The following TMEM132C variants were observed in gnomAD, a reference collection of about 807,000 sequenced individuals.
The protein encoded by TMEM132C is protein phosphatase 1, regulatory subunit 152.
Under a neutral mutation model 61.4 loss-of-function variants are expected in TMEM132C, and 29 were observed. That is an observed-to-expected ratio of 0.47 (90% CI 0.35 to 0.64). The LOEUF (loss-of-function observed/expected upper bound fraction) is 0.64. Among genes scored for constraint, TMEM132C ranks in the 30% least tolerant of loss-of-function variants. The pLI is 0.00. For synonymous variants in TMEM132C, 656 were observed against 633.1 expected (o/e 1.04, Z -0.54); for missense variants, 1,408 against 1,476.9 (o/e 0.95, Z 0.76).
intron 4 of TMEM132C, among the ~76,000 whole-genome samples, chr12:128,651,003 C>G (rs1406870030): frequency 6.6e-6 from 1 of 152,188 alleles, no homozygotes; most frequent in South Asian, 2.1e-4. Context: ...GGGTATAAAT[C>G]TCCACCCCTC....
intron 1 of TMEM132C, among the ~76,000 whole-genome samples, chr12:128,329,545 G>A (rs1311604867): frequency 6.6e-6 from 1 of 152,176 alleles, no homozygotes. Flanking sequence ...TCTACTGGGG[G>A]GCAGAGTCCC....
Position 128,552,909 on chromosome 12 carries a change from AAAAC to A in TMEM132C, c.1121+8818_1121+8821del, listed in dbSNP as rs1396079184. Among the ~76,000 whole-genome samples the A allele has an allele frequency of 2.6e-5, 4 of 151,622 alleles. No individual in the cohort carries two copies. In the South Asian group the frequency reaches 6.2e-4, roughly 24 times the overall value. On this transcript the variant is annotated intron_variant, in intron 3 of 8. Coordinates refer to ENST00000435159, the MANE Select transcript of TMEM132C (RefSeq NM_001136103.3). ...GGCAACAGAGTGAGACTCTGTCTCA[AAAAC>A]AAACAAACAAAAAAAAAGCATAAAA...
intron 1 of TMEM132C, among the ~76,000 whole-genome samples, chr12:128,293,925 C>T (rs1709695): frequency 0.23 from 35,033 of 151,982 alleles, 4,555 homozygotes; most frequent in East Asian, 0.5. Flanking sequence ...ATTATAATTA[C>T]GCATTGTGAA....
At chr12:128,619,844 C>G (rs1953944937) in intron 4 of TMEM132C, among the ~76,000 whole-genome samples, 1 of 152,130 alleles carries the variant, frequency 6.6e-6, no homozygotes, top group Non-Finnish European at 1.5e-5. Context: ...GGTTCATATC[C>G]CAAGTTGAGG....
intron 5 of TMEM132C, among the ~76,000 whole-genome samples, chr12:128,671,097 C>G (rs1044645148): frequency 6.6e-6 from 1 of 152,188 alleles, no homozygotes; most frequent in Non-Finnish European, 1.5e-5. Context: ...TAGTCACTGC[C>G]TATTTTGTAA....
intron 3 of TMEM132C, among the ~76,000 whole-genome samples, chr12:128,561,208 T>C (rs1325341172): frequency 6.6e-6 from 1 of 152,270 alleles, no homozygotes; most frequent in African/African-American, 2.4e-5. Flanking sequence ...TAGGCACTGC[T>C]GGACATATAG....
At chr12:128,301,054 A>G (rs1291506911) in intron 1 of TMEM132C, among the ~76,000 whole-genome samples, 1 of 152,166 alleles carries the variant, frequency 6.6e-6, no homozygotes, top group Non-Finnish European at 1.5e-5. Context: ...CAAACAAAAC[A>G]AATGAACAGA....
intron 1 of TMEM132C, among the ~76,000 whole-genome samples, chr12:128,286,601 G>C (rs1871081568): frequency 6.6e-6 from 1 of 152,222 alleles, no homozygotes. Flanking sequence ...GTTAAATGCT[G>C]TGTGGGACAA....
chr12:128,623,819 T>A (rs1317856718), intron 4 of TMEM132C, among the ~76,000 whole-genome samples: 13 of 150,166 alleles, frequency 8.7e-5, no homozygotes, highest in Non-Finnish European at 4.4e-5. Context: ...AAAAAAAAAA[T>A]GATGATATAA....
chr12:128,611,533 T>C (rs902056), intron 3 of TMEM132C, among the ~76,000 whole-genome samples: 98,524 of 151,910 alleles, frequency 0.65, 32,081 homozygotes, highest in South Asian at 0.73. Context: ...CCCCTTGGAG[T>C]GCCACGGATC....
At chr12:128,579,266 C>T (rs972411597) in intron 3 of TMEM132C, among the ~76,000 whole-genome samples, 11 of 152,216 alleles carry the variant, frequency 7.2e-5, no homozygotes, top group African/African-American at 2.4e-4. Flanking sequence ...CTCACTGCCT[C>T]GTAGCCCAGC....
intron 1 of TMEM132C, among the ~76,000 whole-genome samples, chr12:128,343,334 G>GA (rs1043956207): frequency 6.6e-5 from 10 of 151,010 alleles, no homozygotes; most frequent in Admixed American, 4.0e-4. Context: ...TGAGGCAGGA[G>GA]AATCACCTGA....
chr12:128,486,946 T>TA (rs1474887752), intron 2 of TMEM132C, among the ~76,000 whole-genome samples: 1 of 150,674 alleles, frequency 6.6e-6, no homozygotes, highest in African/African-American at 2.5e-5. Context: ...GTGCTAGTAC[T>TA]AGTGTGAAAT....
intron 1 of TMEM132C, among the ~76,000 whole-genome samples, chr12:128,348,676 A>G (rs1027500598): frequency 2.0e-5 from 3 of 152,246 alleles, no homozygotes; most frequent in Non-Finnish European, 4.4e-5. Flanking sequence ...GGCTTATGCC[A>G]AAACTGGAAG....
intron 2 of TMEM132C, among the ~76,000 whole-genome samples, chr12:128,418,084 G>C (rs1178119716): frequency 2.6e-5 from 4 of 152,100 alleles, no homozygotes; most frequent in Non-Finnish European, 1.5e-5. Flanking sequence ...CTCACTCCCT[G>C]TTCACCAAGA....
At chr12:128,324,045 C>G (rs1054393040) in intron 1 of TMEM132C, among the ~76,000 whole-genome samples, 8 of 152,130 alleles carry the variant, frequency 5.3e-5, no homozygotes, top group Admixed American at 1.3e-4. Flanking sequence ...GAGCATTTCC[C>G]CAGATATGCT....
chr12:128,477,283 T>C (rs559164781), intron 2 of TMEM132C, among the ~76,000 whole-genome samples: 2 of 152,330 alleles, frequency 1.3e-5, no homozygotes, highest in East Asian at 3.9e-4. Flanking sequence ...AACTTCATCC[T>C]GGGCCACCAA....
intron 8 of TMEM132C, 130 bp from the exon 9 acceptor site, chr12:128,704,960 C>T: frequency 9.9e-7 from 1 of 1,005,848 alleles, no homozygotes; most frequent in Non-Finnish European, 1.4e-6. Context: ...TGATTTCTCC[C>T]CAGATGCATG....
intron 5 of TMEM132C, among the ~76,000 whole-genome samples, chr12:128,687,032 AC>A (rs1954682330): frequency 1.3e-5 from 2 of 151,854 alleles, no homozygotes; most frequent in South Asian, 4.1e-4. Context: ...CCTCATCTTT[AC>A]TAAAAAAACA....
Sources: gnomAD v4.1 joint callset for allele counts (sites outside exome capture counted in the v4.1 genomes callset) on GRCh38, gnomAD v4.1.1 for gene constraint, MANE v1.5 for transcripts, NCBI Gene and HGNC (gene_info 2026-07-23, HGNC 2026-07-21) for gene names.